The following SLC25A21 variants were observed in gnomAD, a reference collection of about 807,000 sequenced individuals.
SLC25A21 encodes mitochondrial 2-oxodicarboxylate carrier.
SLC25A21 carries 47 observed loss-of-function variants against 43.8 expected under a neutral mutation model. The observed-to-expected ratio is 1.07, with a 90% CI of 0.85 to 1.37. SLC25A21 has a LOEUF of 1.37. Ranked by LOEUF, SLC25A21 falls within the 40% of genes most tolerant of loss-of-function variation. SLC25A21 has a pLI of 0.00. For synonymous variants in SLC25A21, 131 were observed against 121.3 expected (o/e 1.08, Z -0.52); for missense variants, 352 against 350.2 (o/e 1.00, Z -0.04).
chr14:36,848,567 T>C (rs1242518194), intron 2 of SLC25A21, among the ~76,000 whole-genome samples: 1 of 151,962 alleles, frequency 6.6e-6, no homozygotes, highest in Non-Finnish European at 1.5e-5. Flanking sequence ...AAAATGGAGT[T>C]TGGCCCAGAG....
At chr14:36,727,687 C>A (rs1361923988) in intron 5 of SLC25A21, among the ~76,000 whole-genome samples, 6 of 144,852 alleles carry the variant, frequency 4.1e-5, no homozygotes, top group Admixed American at 6.9e-5. Flanking sequence ...GACTCTGTCT[C>A]AAAAAAAAAG....
At chr14:36,756,513 C>T (rs1885935372) in intron 3 of SLC25A21, among the ~76,000 whole-genome samples, 1 of 152,200 alleles carries the variant, frequency 6.6e-6, no homozygotes, top group Non-Finnish European at 1.5e-5. Context: ...GGTCTCACTC[C>T]AGCTGTGCTC....
intron 7 of SLC25A21, among the ~76,000 whole-genome samples, chr14:36,687,194 T>G (rs1027372728): frequency 6.6e-6 from 1 of 152,140 alleles, no homozygotes; most frequent in Non-Finnish European, 1.5e-5. Context: ...CTCAGGTGAT[T>G]TGCCTGCCTT....
chr14:36,978,177 T>C (rs2138695484), intron 1 of SLC25A21, among the ~76,000 whole-genome samples: 1 of 152,264 alleles, frequency 6.6e-6, no homozygotes, highest in Middle Eastern at 3.4e-3. Context: ...ACTGCTACAA[T>C]AATTCTAAGG....
chr14:36,707,009 T>C lies in SLC25A21; in HGVS notation c.603+4309A>G, dbSNP rs568389054. 6.1e-4 allele frequency among the ~76,000 whole-genome samples: 93 copies of C among 152,350 alleles called. 2 individuals are homozygous for C. Among genetic ancestry groups the C allele is most frequent in the Admixed American group, 9.8e-4 (15 of 15,312 alleles). On this transcript the variant is annotated intron_variant, in intron 7 of 9. Transcript: ENST00000331299. ...TTAGTGTGGCCTACAAGGGCCAGTA[T>C]GATCTGATCCCCTTGTGTCTCTCTA...
intron 1 of SLC25A21, among the ~76,000 whole-genome samples, chr14:37,136,900 G>A (rs554580307): frequency 6.6e-6 from 1 of 152,272 alleles, no homozygotes; most frequent in African/African-American, 2.4e-5. Flanking sequence ...GGGGATATAG[G>A]GCAGGGGGAA....
At chr14:36,922,535 C>T (rs1225299665) in intron 1 of SLC25A21, among the ~76,000 whole-genome samples, 1 of 82,392 alleles carries the variant, frequency 1.2e-5, no homozygotes, top group Non-Finnish European at 2.7e-5. Context: ...CTCATAAAGG[C>T]CCTCTTTTTT....
intron 1 of SLC25A21, among the ~76,000 whole-genome samples, chr14:37,123,161 G>A (rs567069627): frequency 2.0e-5 from 3 of 152,246 alleles, no homozygotes; most frequent in South Asian, 4.1e-4. Context: ...AATACTTCAA[G>A]GTTATTGCTT....
At chr14:36,974,249 C>G (rs775332772) in intron 1 of SLC25A21, among the ~76,000 whole-genome samples, 3 of 152,204 alleles carry the variant, frequency 2.0e-5, no homozygotes, top group Non-Finnish European at 4.4e-5. Context: ...AACAGACATG[C>G]TCCAGCATTG....
In SLC25A21 at chr14:36,679,181, T is replaced by C. The variant is rs1684; in HGVS notation, c.*1477A>G. Reference sequence around the variant, plus strand: ...GCAACAGAGACACATTCTTATTTCTTTTTTTTCACAATTTTGTTTTGTTTT... The same window carrying C: ...GCAACAGAGACACATTCTTATTTCTCTTTTTTCACAATTTTGTTTTGTTTT... On this transcript the variant is annotated 3_prime_UTR_variant, in exon 10 of 10. Transcript: ENST00000331299. The C allele has an allele frequency of 0.5, 496,544 of 984,228 alleles. 126,038 individuals are homozygous for C. The highest frequency in any genetic ancestry group is 0.61 in the Admixed American group (9,918 of 16,202). 61.0% of individuals were successfully genotyped at this position (984,228 alleles called of 1,614,324 possible).
At chr14:37,064,015 T>C (rs1962006901) in intron 1 of SLC25A21, among the ~76,000 whole-genome samples, 1 of 152,192 alleles carries the variant, frequency 6.6e-6, no homozygotes, top group South Asian at 2.1e-4. Context: ...TTCAGGTGTG[T>C]CTGTAAGGGT....
intron 2 of SLC25A21, among the ~76,000 whole-genome samples, chr14:36,826,986 G>A (rs1555330768): frequency 6.6e-6 from 1 of 152,194 alleles, no homozygotes; most frequent in African/African-American, 2.4e-5. Flanking sequence ...GATGAGGATG[G>A]GGATGAGGAC....
intron 1 of SLC25A21, among the ~76,000 whole-genome samples, chr14:37,142,023 T>A (rs1963580418): frequency 6.6e-6 from 1 of 152,144 alleles, no homozygotes; most frequent in Non-Finnish European, 1.5e-5. Context: ...GATCCTAAAG[T>A]GTAGTCAAGG....
intron 3 of SLC25A21, among the ~76,000 whole-genome samples, chr14:36,811,593 A>G (rs1888270211): frequency 1.3e-5 from 2 of 152,200 alleles, no homozygotes; most frequent in Non-Finnish European, 2.9e-5. Flanking sequence ...CAGAGGTTGC[A>G]GTGAGCAGAG....
intron 1 of SLC25A21, among the ~76,000 whole-genome samples, chr14:36,969,581 T>C (rs1959703536): frequency 6.6e-6 from 1 of 151,740 alleles, no homozygotes; most frequent in Non-Finnish European, 1.5e-5. Context: ...TTCCAACTCC[T>C]AGGCTTAAAT....
chr14:36,729,602 A>C (rs2139219880), intron 4 of SLC25A21, 36 bp from the exon 5 acceptor site: 1 of 1,561,562 alleles, frequency 6.4e-7, no homozygotes, highest in East Asian at 2.3e-5. Flanking sequence ...ATTTATAACA[A>C]TTTTCCTGCA....
chr14:36,913,617 C>T (rs543231207), intron 1 of SLC25A21, among the ~76,000 whole-genome samples: 15 of 152,294 alleles, frequency 9.8e-5, no homozygotes, highest in African/African-American at 3.6e-4. Flanking sequence ...TAGATGTTTA[C>T]AATCTTTTCC....
At chr14:36,850,118 G>C (rs1478413042) in intron 2 of SLC25A21, among the ~76,000 whole-genome samples, 1 of 152,206 alleles carries the variant, frequency 6.6e-6, no homozygotes, top group East Asian at 1.9e-4. Context: ...CCTTCCAGAG[G>C]AAGAGATGTA....
chr14:36,891,608 A>G (rs1273121171), intron 1 of SLC25A21, among the ~76,000 whole-genome samples: 1 of 152,148 alleles, frequency 6.6e-6, no homozygotes, highest in East Asian at 1.9e-4. Flanking sequence ...CCTGGGAACA[A>G]TACTGTAGCA....
Sources: gnomAD v4.1 joint callset for allele counts (sites outside exome capture counted in the v4.1 genomes callset) on GRCh38, gnomAD v4.1.1 for gene constraint, MANE v1.5 for transcripts, NCBI Gene and HGNC (gene_info 2026-07-23, HGNC 2026-07-21) for gene names.